The following FSD1L variants were observed in gnomAD, a reference collection of about 807,000 sequenced individuals.
The protein encoded by FSD1L is fibronectin type III and SPRY domain containing 1 like, also known as FSD1-like protein.
FSD1L carries 45 observed loss-of-function variants against 71.6 expected under a neutral mutation model. That is an observed-to-expected ratio of 0.63 (90% CI 0.49 to 0.81). The LOEUF (loss-of-function observed/expected upper bound fraction) is 0.81. Among genes scored for constraint, FSD1L ranks in the 30% least tolerant of loss-of-function variants. The pLI is 0.00. For missense variants in FSD1L, 561 were observed against 618.1 expected (o/e 0.91, Z 0.98); for synonymous variants, 197 against 207.2 (o/e 0.95, Z 0.42).
chr9:105,446,624 C>A (rs1829655502), upstream of FSD1L, among the ~76,000 whole-genome samples: 2 of 152,008 alleles, frequency 1.3e-5, no homozygotes, highest in Admixed American at 1.3e-4. Context: ...ACTCATTGGG[C>A]CTCCCAAAGT....
chr9:105,468,434 A>G (rs958054186), intron 4 of FSD1L, 110 bp downstream of exon 4: 1 of 774,208 alleles, frequency 1.3e-6, no homozygotes, highest in Non-Finnish European at 1.9e-6. Context: ...CTTACCTCGT[A>G]GAAGAATGGT....
intron 1 of FSD1L, among the ~76,000 whole-genome samples, chr9:105,456,419 T>A (rs569190255): frequency 2.6e-5 from 4 of 152,240 alleles, no homozygotes; most frequent in Admixed American, 6.5e-5. Context: ...AAGATAGTAC[T>A]TGGCACTTAA....
chr9:105,446,619 T>C (rs1337507822), upstream of FSD1L, among the ~76,000 whole-genome samples: 5 of 152,000 alleles, frequency 3.3e-5, no homozygotes, highest in African/African-American at 4.8e-5. Flanking sequence ...GATCCACTCA[T>C]TGGGCCTCCC....
At chr9:105,524,376 A>G (rs774144560) in intron 10 of FSD1L, 2 of 1,613,988 alleles carry the variant, frequency 1.2e-6, no homozygotes, top group Admixed American at 3.3e-5. Flanking sequence ...TCTTTTACCA[A>G]GTACAGAGGC....
chr9:105,505,284 G>A (rs1259745687), intron 7 of FSD1L, among the ~76,000 whole-genome samples: 3 of 152,070 alleles, frequency 2.0e-5, no homozygotes, highest in Admixed American at 1.3e-4. Context: ...TTTTTGAGAC[G>A]GAGTCTCGCT....
At chr9:105,472,463 T>A (rs946230909) in intron 5 of FSD1L, 1 of 153,094 alleles carries the variant, frequency 6.5e-6, no homozygotes, top group Non-Finnish European at 1.5e-5. Context: ...GTTTAAGTGA[T>A]TGTAAATTGT....
chr9:105,461,413 A>G, intron 1 of FSD1L, 107 bp from the exon 2 acceptor site: 1 of 486,102 alleles, frequency 2.1e-6, no homozygotes, highest in East Asian at 3.2e-5. Context: ...TGAAATGATA[A>G]TATATTTTGA....
chr9:105,500,742 G>C (rs1357956535), intron 7 of FSD1L: 1 of 152,152 alleles, frequency 6.6e-6, no homozygotes, highest in Non-Finnish European at 1.5e-5. Flanking sequence ...TGGACTCTCA[G>C]ACATTCTGCT....
chr9:105,464,104 T>C (rs1344241952), intron 2 of FSD1L, 132 bp from the exon 3 acceptor site: 2 of 592,536 alleles, frequency 3.4e-6, no homozygotes, highest in South Asian at 4.3e-5. Context: ...TTTTGAAGAA[T>C]GAGAAATTTT....
intron 10 of FSD1L, among the ~76,000 whole-genome samples, chr9:105,527,954 A>T (rs1835629286): frequency 1.3e-5 from 2 of 152,204 alleles, no homozygotes; most frequent in Non-Finnish European, 2.9e-5. Flanking sequence ...AAGTCTCAGG[A>T]TACAAAATCA....
chr9:105,466,641 C>T (rs372949512), intron 3 of FSD1L, among the ~76,000 whole-genome samples: 9 of 151,508 alleles, frequency 5.9e-5, no homozygotes, highest in Non-Finnish European at 1.2e-4. Context: ...TGCAGTGAGC[C>T]GAGATCGCAC....
intron 4 of FSD1L, 56 bp from the exon 5 acceptor site, chr9:105,471,848 T>C: frequency 1.6e-6 from 1 of 643,816 alleles, no homozygotes; most frequent in Admixed American, 4.1e-5. Flanking sequence ...TTTAAGATTC[T>C]AATGGCAATA....
chr9:105,448,501 C>G (rs953656722), intron 1 of FSD1L, among the ~76,000 whole-genome samples: 4 of 152,234 alleles, frequency 2.6e-5, no homozygotes, highest in African/African-American at 9.6e-5. Flanking sequence ...AGAAACGGAG[C>G]CATCCCCCTT....
chr9:105,496,582 A>G (rs1485823525), intron 7 of FSD1L, among the ~76,000 whole-genome samples: 4 of 152,160 alleles, frequency 2.6e-5, no homozygotes, highest in African/African-American at 2.4e-5. Context: ...AGAGTTTTGT[A>G]GTTTTCCTCA....
At chr9:105,458,656 T>G (rs1377473803) in intron 1 of FSD1L, among the ~76,000 whole-genome samples, 1 of 152,176 alleles carries the variant, frequency 6.6e-6, no homozygotes, top group Non-Finnish European at 1.5e-5. Flanking sequence ...ACCATTTGTT[T>G]GACTGAAAGG....
chr9:105,464,166 G>T lies in FSD1L; in HGVS notation c.112-70G>T, dbSNP rs527414528. The stretch of plus-strand genomic sequence containing the variant: ...TACTCTTACATAAAGTTTGTTTAGA[G>T]AATGCTTGTTAATGAGTTTTGTAAC... On this transcript the variant is annotated intron_variant, in intron 2 of 13. Transcript: ENST00000481272. 215 of 788,292 alleles carry T rather than the reference G, an allele frequency of 2.7e-4. 2 individuals are homozygous for T. The African/African-American group carries it at 3.7e-3, about 13-fold the overall frequency. The allele number at this position is 788,292 out of a possible 1,614,324, so 48.8% of individuals were successfully genotyped here. A position where few individuals can be genotyped will look rare whatever the true frequency, so the allele number is the denominator to read the frequency against.
chr9:105,546,208 C>T, intron 13 of FSD1L, 150 bp from the exon 14 acceptor site: 1 of 676,218 alleles, frequency 1.5e-6, no homozygotes, highest in Non-Finnish European at 2.3e-6. Flanking sequence ...TTAGTCTTTC[C>T]ATTTCCCCTC....
chr9:105,523,353 G>A, intron 10 of FSD1L: 2 of 1,602,372 alleles, frequency 1.2e-6, no homozygotes, highest in Admixed American at 1.7e-5. Flanking sequence ...GACACCAGAT[G>A]ATCTAGAAAT....
intron 13 of FSD1L, among the ~76,000 whole-genome samples, chr9:105,545,003 T>C (rs544120602): frequency 4.9e-4 from 75 of 152,334 alleles, no homozygotes; most frequent in African/African-American, 1.7e-3. Flanking sequence ...ATTAAATCTA[T>C]AAATTACCTT....
Sources: gnomAD v4.1 joint callset for allele counts (sites outside exome capture counted in the v4.1 genomes callset) on GRCh38, gnomAD v4.1.1 for gene constraint, MANE v1.5 for transcripts, NCBI Gene and HGNC (gene_info 2026-07-23, HGNC 2026-07-21) for gene names.